Variants in BACH2 observed in about 807,000 individuals in gnomAD.
BACH2 encodes the protein BACH transcriptional regulator 2, also known as transcription regulator protein BACH2.
A neutral mutation model predicts 61.8 loss-of-function variants in BACH2; 5 were observed. The ratio of observed to expected loss-of-function variants is 0.08; its 90% CI spans 0.04 to 0.17. BACH2 has a LOEUF of 0.17. Among genes scored for constraint, BACH2 ranks in the 10% least tolerant of loss-of-function variants. The probability of loss-of-function intolerance (pLI) is 1.00; values close to 1 mark genes in which losing one functional copy is unlikely to be tolerated. For synonymous variants in BACH2, 446 were observed against 440.1 expected (o/e 1.01, Z -0.17); for missense variants, 824 against 1,091.1 (o/e 0.76, Z 3.45).
intron 4 of BACH2, among the ~76,000 whole-genome samples, chr6:90,161,370 AAC>A (rs1276814784): frequency 6.6e-6 from 1 of 152,136 alleles, no homozygotes; most frequent in Non-Finnish European, 1.5e-5. Context: ...TTTCTAATGA[AAC>A]ACAGCACTTT....
intron 6 of BACH2, among the ~76,000 whole-genome samples, chr6:89,980,107 C>T (rs1775868186): frequency 6.6e-6 from 1 of 151,970 alleles, no homozygotes; most frequent in Admixed American, 6.6e-5. Context: ...CCAGCCTGGC[C>T]AACATGGTGA....
At chr6:90,060,067 T>C (rs563176153) in intron 5 of BACH2, among the ~76,000 whole-genome samples, 47 of 151,364 alleles carry the variant, frequency 3.1e-4, no homozygotes, top group Middle Eastern at 3.4e-3. Context: ...ATGGCACATG[T>C]ATACGTATGT....
intron 4 of BACH2, among the ~76,000 whole-genome samples, chr6:90,144,312 A>G (rs894031483): frequency 1.3e-5 from 2 of 152,182 alleles, no homozygotes; most frequent in African/African-American, 4.8e-5. Flanking sequence ...GTAGGCACTC[A>G]ATAAATGTTT....
intron 4 of BACH2, among the ~76,000 whole-genome samples, chr6:90,200,836 T>C (rs1270861211): frequency 6.6e-6 from 1 of 152,212 alleles, no homozygotes; most frequent in African/African-American, 2.4e-5. Context: ...ATAATTAGTA[T>C]ATTTTATTTA....
At chr6:90,206,113 A>G (rs991619574) in intron 4 of BACH2, among the ~76,000 whole-genome samples, 3 of 152,230 alleles carry the variant, frequency 2.0e-5, no homozygotes, top group African/African-American at 7.2e-5. Flanking sequence ...GCACTGGTAT[A>G]CGCAGTAACT....
chr6:90,055,947 G>C (rs955237236), intron 5 of BACH2, among the ~76,000 whole-genome samples: 1 of 152,144 alleles, frequency 6.6e-6, no homozygotes, highest in African/African-American at 2.4e-5. Flanking sequence ...CACCAGGCCT[G>C]CCCTAAAAGA....
intron 4 of BACH2, among the ~76,000 whole-genome samples, chr6:90,155,655 C>T (rs946142358): frequency 1.3e-5 from 2 of 152,196 alleles, no homozygotes; most frequent in Admixed American, 6.5e-5. Flanking sequence ...TAATTTAAAA[C>T]TGCAGCCTCT....
chr6:90,201,009 G>C (rs1768939156), intron 4 of BACH2, among the ~76,000 whole-genome samples: 1 of 152,044 alleles, frequency 6.6e-6, no homozygotes, highest in South Asian at 2.1e-4. Context: ...GACTGCACAT[G>C]CTGTTATATA....
intron 4 of BACH2, among the ~76,000 whole-genome samples, chr6:90,166,838 T>C (rs1767638343): frequency 7.2e-6 from 1 of 138,004 alleles, no homozygotes; most frequent in South Asian, 2.2e-4. Context: ...TTCTCACTCA[T>C]AGGTGGGAAC....
chr6:90,031,135 C>T (rs1367316052), intron 5 of BACH2, among the ~76,000 whole-genome samples: 1 of 151,954 alleles, frequency 6.6e-6, no homozygotes, highest in African/African-American at 2.4e-5. Flanking sequence ...GCAGAAAAGG[C>T]CTTTGACAAA....
At chr6:90,109,539 T>C (rs1416983665) in intron 4 of BACH2, among the ~76,000 whole-genome samples, 4 of 152,196 alleles carry the variant, frequency 2.6e-5, no homozygotes, top group African/African-American at 9.7e-5. Context: ...AAATTTATTA[T>C]ATGTTGCCCC....
intron 1 of BACH2, among the ~76,000 whole-genome samples, chr6:90,282,614 T>A (rs1271372267): frequency 1.3e-5 from 2 of 152,212 alleles, no homozygotes; most frequent in African/African-American, 4.8e-5. Context: ...GCAACGAACA[T>A]ACACGTGTAT....
Position 89,926,528 on chromosome 6 carries a change from T to C in BACH2, c.*5880A>G, listed in dbSNP as rs1772368303. On this transcript the variant is annotated 3_prime_UTR_variant, in exon 9 of 9. Coordinates refer to ENST00000257749, the MANE Select transcript of BACH2 (RefSeq NM_021813.4). Reference sequence around the variant, plus strand: ...ACATAGGGATCAGAGGCAGAGAAAATCAGTTTACAATGCATAATGATATGT... The same window carrying C: ...ACATAGGGATCAGAGGCAGAGAAAACCAGTTTACAATGCATAATGATATGT... 1 of 152,682 alleles carries C rather than the reference T, an allele frequency of 6.5e-6. No individual in the cohort carries two copies. Among genetic ancestry groups the C allele is most frequent in the Non-Finnish European group, 1.5e-5 (1 of 68,028 alleles). 9.5% of individuals were successfully genotyped at this position (152,682 alleles called of 1,614,324 possible).
rs1228514115 is a variant in BACH2 at position 90,120,537 on chromosome 6, T to C, written c.-161-31428A>G. Among the ~76,000 whole-genome samples the C allele has an allele frequency of 3.3e-5, 5 of 152,216 alleles. No homozygotes were observed. In the East Asian group the frequency reaches 9.6e-4, roughly 29 times the overall value. On this transcript the variant is annotated intron_variant, in intron 4 of 8. Coordinates refer to ENST00000257749, the MANE Select transcript of BACH2 (RefSeq NM_021813.4). Reference sequence around the variant, plus strand: ...ATATTTGCATAACCATAAGCCTCCTTCAAATATCTTGAGACTTGTCATGAT... The same window carrying C: ...ATATTTGCATAACCATAAGCCTCCTCCAAATATCTTGAGACTTGTCATGAT...
chr6:89,962,639 T>G (rs1329718325), intron 6 of BACH2, among the ~76,000 whole-genome samples: 2 of 152,326 alleles, frequency 1.3e-5, no homozygotes, highest in Non-Finnish European at 2.9e-5. Context: ...GGTCCTCATG[T>G]GAACTTTGTT....
intron 2 of BACH2, among the ~76,000 whole-genome samples, chr6:90,255,014 G>A (rs1770931909): frequency 6.6e-6 from 1 of 152,106 alleles, no homozygotes; most frequent in African/African-American, 2.4e-5. Context: ...AACATCAGAT[G>A]GGTGGCTGGA....
In BACH2 at chr6:90,159,545, CT is replaced by C. The variant is rs1785117626; in HGVS notation, c.-162+47023del. On this transcript the variant is annotated intron_variant, in intron 4 of 8. Transcript: ENST00000257749. ...TGGTCACTATACATATATTTTATTG[CT>C]CAGGAAGGAAGTCCACATCTCTTCC... is the stretch of plus-strand genomic sequence containing the variant. Among the ~76,000 whole-genome samples, 4 of 152,268 alleles carry C rather than the reference CT, an allele frequency of 2.6e-5. No individual in the cohort carries two copies. The South Asian group carries it at 8.3e-4, about 32-fold the overall frequency.
intron 5 of BACH2, among the ~76,000 whole-genome samples, chr6:90,034,439 C>G (rs1157445442): frequency 1.3e-5 from 2 of 152,108 alleles, no homozygotes; most frequent in Non-Finnish European, 2.9e-5. Context: ...CATTTTCCAG[C>G]CACCTGAAAC....
At chr6:89,947,855 G>A (rs1486078956) in intron 7 of BACH2, among the ~76,000 whole-genome samples, 2 of 152,234 alleles carry the variant, frequency 1.3e-5, no homozygotes, top group South Asian at 2.1e-4. Flanking sequence ...ACAGGTGTGA[G>A]CCACCGCGCC....
Sources: gnomAD v4.1 joint callset for allele counts (sites outside exome capture counted in the v4.1 genomes callset) on GRCh38, gnomAD v4.1.1 for gene constraint, MANE v1.5 for transcripts, NCBI Gene and HGNC (gene_info 2026-07-23, HGNC 2026-07-21) for gene names.